The following HS1BP3 variants were observed in gnomAD, a reference collection of about 807,000 sequenced individuals.
HS1BP3 encodes the protein HCLS1 binding protein 3, also known as HCLS1-binding protein 3.
Under a neutral mutation model 33.5 loss-of-function variants are expected in HS1BP3, and 32 were observed. The ratio of observed to expected loss-of-function variants is 0.95; its 90% confidence interval spans 0.72 to 1.28. The LOEUF (loss-of-function observed/expected upper bound fraction) is 1.28, where lower values mean the gene tolerates loss of function less well. Ranked by LOEUF, HS1BP3 falls within the 50% of genes most tolerant of loss-of-function variation. The pLI is 0.00. For missense variants in HS1BP3, 486 were observed against 502.3 expected, an observed-to-expected ratio of 0.97 and a Z score of 0.31; for synonymous variants, 187 against 209.2, an observed-to-expected ratio of 0.89 and a Z score of 0.92.
At chr2:20,573,237 G>A (rs1693317294) in intron 5 of HS1BP3, among the ~76,000 whole-genome samples, 1 of 152,164 alleles carries the variant, frequency 6.6e-6, no homozygotes, top group African/African-American at 2.4e-5. Context: ...GCCTCCAGAA[G>A]CTAGAGGGGC....
intron 2 of HS1BP3, among the ~76,000 whole-genome samples, chr2:20,643,929 T>C (rs948019561): frequency 1.3e-5 from 2 of 152,030 alleles, no homozygotes; most frequent in Non-Finnish European, 2.9e-5. Flanking sequence ...GGAGATCCTA[T>C]CTCTTAAAAA....
chr2:20,628,926 G>A (rs73916931), intron 4 of HS1BP3, among the ~76,000 whole-genome samples: 16,749 of 152,204 alleles, frequency 0.11, 929 homozygotes, highest in Middle Eastern at 0.14. Context: ...GTAGTGCCAT[G>A]AGGGAACAGG....
downstream of HS1BP3, among the ~76,000 whole-genome samples, chr2:20,616,837 G>A (rs1162536071): frequency 6.6e-6 from 1 of 152,168 alleles, no homozygotes; most frequent in Non-Finnish European, 1.5e-5. Flanking sequence ...GGCTGGAATG[G>A]GTCACAGGCA....
downstream of HS1BP3, among the ~76,000 whole-genome samples, chr2:20,557,831 G>A (rs1263693332): frequency 6.6e-6 from 1 of 152,228 alleles, no homozygotes; most frequent in African/African-American, 2.4e-5. Context: ...TGCCAAGATG[G>A]TGTGGGTTTA....
intron 3 of HS1BP3, 50 bp downstream of exon 3, chr2:20,640,923 T>C: frequency 6.4e-7 from 1 of 1,573,838 alleles, no homozygotes; most frequent in Non-Finnish European, 8.7e-7. Flanking sequence ...CAGCGGGGCC[T>C]AGTTCTGGGC....
At chr2:20,603,188 C>T (rs142354969) in intron 2 of HS1BP3, among the ~76,000 whole-genome samples, 266 of 152,294 alleles carry the variant, frequency 1.7e-3, no homozygotes, top group African/African-American at 6.2e-3. Context: ...AAAAGTTAAA[C>T]ATAGAATCAC....
intron 6 of HS1BP3, among the ~76,000 whole-genome samples, chr2:20,621,026 G>T (rs1694582651): frequency 6.6e-6 from 1 of 152,252 alleles, no homozygotes; most frequent in African/African-American, 2.4e-5. Flanking sequence ...GGCATGAATA[G>T]GGGAGAGAAT....
intron 2 of HS1BP3, among the ~76,000 whole-genome samples, chr2:20,599,015 G>C (rs1694011034): frequency 6.6e-6 from 1 of 152,228 alleles, no homozygotes. Context: ...GGGGAGTGGG[G>C]GGAATGGGGT....
At chr2:20,568,902 A>C (rs1558316903) in intron 5 of HS1BP3, among the ~76,000 whole-genome samples, 1 of 152,220 alleles carries the variant, frequency 6.6e-6, no homozygotes, top group African/African-American at 2.4e-5. Context: ...TACTGCTGGC[A>C]AGGAGATTGC....
At chr2:20,554,615 G>T in the HS1BP3 span, among the ~76,000 whole-genome samples, 3 of 151,760 alleles carry the variant, frequency 2.0e-5, no homozygotes, top group East Asian at 5.8e-4. Context: ...CCAGCTACTT[G>T]GGAGGCTGAG....
At chr2:20,641,717 G>A (rs978666603) in intron 2 of HS1BP3, among the ~76,000 whole-genome samples, 10 of 152,206 alleles carry the variant, frequency 6.6e-5, no homozygotes, top group African/African-American at 2.4e-4. Flanking sequence ...GCAGGCACCC[G>A]AGTCAAGCAG....
At chr2:20,614,191 G>A (rs111824129), downstream of HS1BP3, among the ~76,000 whole-genome samples, 154 of 152,328 alleles carry the variant, frequency 1.0e-3, no homozygotes, top group African/African-American at 3.4e-3. Context: ...CCAGAAGCCA[G>A]GACAAAACAA....
intron 1 of HS1BP3, among the ~76,000 whole-genome samples, chr2:20,650,574 G>A (rs1364742804): frequency 6.6e-6 from 1 of 152,200 alleles, no homozygotes; most frequent in East Asian, 1.9e-4. Flanking sequence ...CTTACTACCC[G>A]CTGCTGGCAT....
At chr2:20,634,826 C>T (rs1426317882) in intron 4 of HS1BP3, 1 of 152,240 alleles carries the variant, frequency 6.6e-6, no homozygotes, top group Non-Finnish European at 1.5e-5. Context: ...ACGTGGCATT[C>T]CAGAGAAACA....
intron 5 of HS1BP3, among the ~76,000 whole-genome samples, chr2:20,581,513 C>A (rs773106024): frequency 1.8e-4 from 28 of 152,112 alleles, no homozygotes; most frequent in Non-Finnish European, 3.7e-4. Flanking sequence ...CCATGCCTGG[C>A]TAATTTTTGT....
At chr2:20,565,637 C>G (rs1026947267) in intron 5 of HS1BP3, among the ~76,000 whole-genome samples, 5 of 152,250 alleles carry the variant, frequency 3.3e-5, no homozygotes, top group Non-Finnish European at 5.9e-5. Flanking sequence ...AGTCAGCACA[C>G]CCTGCAACTA....
At chr2:20,599,697 A>T (rs936307890) in intron 2 of HS1BP3, among the ~76,000 whole-genome samples, 4 of 151,902 alleles carry the variant, frequency 2.6e-5, no homozygotes, top group African/African-American at 7.3e-5. Flanking sequence ...TTACAGTAAA[A>T]ATAACAATTG....
At chr2:20,623,818 C>T (rs762452781) in intron 6 of HS1BP3, 78 bp downstream of exon 6, 9 of 1,472,566 alleles carry the variant, frequency 6.1e-6, no homozygotes, top group South Asian at 1.3e-5. Flanking sequence ...GGGGCTGAGA[C>T]TGGGCAATGA....
chr2:20,610,055 AT>A (rs1166339583), intron 2 of HS1BP3, among the ~76,000 whole-genome samples: 3 of 151,952 alleles, frequency 2.0e-5, no homozygotes, highest in Admixed American at 6.5e-5. Flanking sequence ...TTTTAAGTAG[AT>A]TTTTTTTAAA....
Sources: allele counts gnomAD v4.1 joint callset (sites outside exome capture counted in the v4.1 genomes callset), GRCh38; gene constraint gnomAD v4.1.1; transcripts MANE v1.5; gene names NCBI Gene and HGNC (gene_info 2026-07-23, HGNC 2026-07-21).